Variants in CDKN2C observed in about 807,000 individuals in gnomAD.
The protein encoded by CDKN2C is cyclin-dependent kinase 4 inhibitor C.
CDKN2C carries 5 observed loss-of-function variants against 11.0 expected under a neutral mutation model. The ratio of observed to expected loss-of-function variants is 0.45; its 90% CI spans 0.24 to 0.95. The LOEUF (loss-of-function observed/expected upper bound fraction) is 0.95. Among genes scored for constraint, CDKN2C ranks in the 40% least tolerant of loss-of-function variants. The pLI is 0.21. For missense variants in CDKN2C, 161 were observed against 211.9 expected (o/e 0.76, Z 1.49); for synonymous variants, 79 against 88.3 (o/e 0.89, Z 0.59).
chr1:50,970,584 G>A, intron 1 of CDKN2C, 87 bp downstream of exon 1: 1 of 1,488,446 alleles, frequency 6.7e-7, no homozygotes, highest in Non-Finnish European at 9.4e-7. Context: ...TAAGCTTTCA[G>A]GGACATAAAA....
chr1:50,970,037 C>G (rs1419214801), upstream of CDKN2C: 3 of 447,542 alleles, frequency 6.7e-6, no homozygotes, highest in Non-Finnish European at 1.2e-5. Flanking sequence ...CTGCCTACAT[C>G]TGACGTCCGG....
chr1:50,963,822 T>G (rs895508968), intron 1 of CDKN2C, among the ~76,000 whole-genome samples: 3 of 152,174 alleles, frequency 2.0e-5, no homozygotes, highest in Admixed American at 1.3e-4. Context: ...GTAAAGAAAT[T>G]TGGTCCATGC....
intron 1 of CDKN2C, among the ~76,000 whole-genome samples, chr1:50,961,266 C>T (rs750988450): frequency 4.6e-5 from 7 of 152,182 alleles, no homozygotes; most frequent in Non-Finnish European, 8.8e-5. Flanking sequence ...TCTCGAACTC[C>T]TGTCCTCGTG....
At chr1:50,967,231 A>C (rs1341913209), upstream of CDKN2C, among the ~76,000 whole-genome samples, 1 of 152,212 alleles carries the variant, frequency 6.6e-6, no homozygotes, top group Non-Finnish European at 1.5e-5. Context: ...GAATAATCAA[A>C]AGTAAATTAT....
At chr1:50,970,625 ATATTT>A in intron 1 of CDKN2C, 128 bp downstream of exon 1, 1 of 1,074,136 alleles carries the variant, frequency 9.3e-7, no homozygotes, top group South Asian at 1.3e-5. Flanking sequence ...GTTGGTTGCC[ATATTT>A]TATATCTTTA....
chr1:50,966,085 C>G (rs949411591), upstream of CDKN2C, among the ~76,000 whole-genome samples: 9 of 149,420 alleles, frequency 6.0e-5, no homozygotes, highest in Non-Finnish European at 1.2e-4. Flanking sequence ...TATTCTATGT[C>G]TCTTTTTTTT....
chr1:50,965,831 G>T (rs552726520), upstream of CDKN2C, among the ~76,000 whole-genome samples: 23 of 152,042 alleles, frequency 1.5e-4, no homozygotes, highest in Non-Finnish European at 1.6e-4. Context: ...TCACATAAAA[G>T]GCTGCCTGGG....
chr1:50,970,310 G>GA lies in CDKN2C; in HGVS notation c.-56dup. The GA allele has an allele frequency of 1.9e-6, 3 of 1,607,248 alleles. No homozygotes were observed. Among genetic ancestry groups the GA allele is most frequent in the Non-Finnish European group, 2.5e-6 (3 of 1,177,898 alleles). ...TCATGCAGCCTGGTTAGGAGCAAAGGAAAGGGGAAAAAGAAAAACGACTAA... is the reference window on the plus strand; with the variant it reads ...TCATGCAGCCTGGTTAGGAGCAAAGGAAAAGGGGAAAAAGAAAAACGACTAA... On this transcript the variant is annotated 5_prime_UTR_variant, in exon 1 of 2. It removes the in-frame stop codon of an upstream open reading frame in the 5' UTR. Coordinates refer to ENST00000371761, the MANE Select transcript of CDKN2C (RefSeq NM_078626.3).
intron 1 of CDKN2C, among the ~76,000 whole-genome samples, chr1:50,965,226 G>C (rs1645342550): frequency 6.6e-6 from 1 of 151,984 alleles, no homozygotes; most frequent in African/African-American, 2.4e-5. Flanking sequence ...CAGGCCGGGT[G>C]CGGTGGCTCA....
At chr1:50,969,878 C>T, upstream of CDKN2C, 1 of 217,682 alleles carries the variant, frequency 4.6e-6, no homozygotes. This position sits in a 1 kb window ranked among gnomAD's most constrained non-coding sequence, Gnocchi z 6.6. Context: ...TCACACGGCT[C>T]AAGTCACCAC....
chr1:50,968,521 C>G (rs982716534), upstream of CDKN2C: 3 of 152,388 alleles, frequency 2.0e-5, no homozygotes, highest in Non-Finnish European at 4.4e-5. Flanking sequence ...GCCGCCTAGC[C>G]GGCAGGAGGG....
upstream of CDKN2C, chr1:50,969,996 C>A: frequency 2.6e-6 from 1 of 380,686 alleles, no homozygotes; most frequent in Non-Finnish European, 4.9e-6. The surrounding 1 kb of genome is among the most constrained non-coding windows in gnomAD (Gnocchi z 6.6). Flanking sequence ...ACACTCCTCA[C>A]AGAGATCTGT....
intron 1 of CDKN2C, among the ~76,000 whole-genome samples, chr1:50,962,717 C>G (rs891262473): frequency 3.3e-5 from 5 of 152,176 alleles, no homozygotes; most frequent in African/African-American, 1.2e-4. Flanking sequence ...GATGAACACA[C>G]TAGACATTCA....
chr1:50,963,308 T>C (rs1394077952), intron 1 of CDKN2C, among the ~76,000 whole-genome samples: 1 of 152,276 alleles, frequency 6.6e-6, no homozygotes, highest in Non-Finnish European at 1.5e-5. Context: ...TGTGTTTTTA[T>C]ATTCACCATA....
rs535590091 is a variant in CDKN2C at position 50,971,061 on chromosome 1, G to C, written c.129+564G>C. On this transcript the variant is annotated intron_variant, in intron 1 of 1. Coordinates refer to ENST00000371761, the MANE Select transcript of CDKN2C (RefSeq NM_078626.3). ...TAATGTAATACCATCCACTCATTCA[G>C]GAGTCGGGAGGAATAAAAAGTTGAA... is the stretch of plus-strand genomic sequence containing the variant. Among the ~76,000 whole-genome samples, 175 of 152,328 alleles carry C rather than the reference G, an allele frequency of 1.1e-3. 1 individual carries two copies. Among genetic ancestry groups the C allele is most frequent in the Non-Finnish European group, 2.0e-3 (138 of 68,034 alleles).
intron 1 of CDKN2C, 54 bp downstream of exon 1, chr1:50,970,551 C>T: frequency 6.2e-7 from 1 of 1,602,702 alleles, no homozygotes; most frequent in Non-Finnish European, 8.5e-7. Context: ...CTACGTGACC[C>T]GGGTTTCTAG....
upstream of CDKN2C, chr1:50,969,343 C>CG (rs111775483): frequency 4.6e-5 from 7 of 152,284 alleles, no homozygotes; most frequent in South Asian, 6.2e-4. The surrounding 1 kb of genome is among the most constrained non-coding windows in gnomAD (Gnocchi z 6.6). Context: ...GGGAAGTTCC[C>CG]GGGGGGGCTG....
At position 50,974,360 on chromosome 1, in the gene CDKN2C, T is replaced by C. The variant is rs1645396816; in HGVS notation, c.*90T>C. 7.4e-7 allele frequency: 1 copy of C among 1,342,690 alleles called. No homozygotes were observed. The highest frequency in any genetic ancestry group is 1.5e-5 in the African/African-American group (1 of 68,498). The allele number at this position is 1,342,690 out of a possible 1,614,324, so 83.2% of individuals were successfully genotyped here. On this transcript the variant is annotated 3_prime_UTR_variant, in exon 2 of 2. Coordinates refer to ENST00000371761, the MANE Select transcript of CDKN2C (RefSeq NM_078626.3). ...TTAATGTCATTTGTTAAAATACAGT[T>C]CTGTCATATGTTAAGCAGCTAAATT...
In CDKN2C at chr1:50,974,344, T is replaced by C; in HGVS notation, c.*74T>C. On this transcript the variant is annotated 3_prime_UTR_variant, in exon 2 of 2. Transcript: ENST00000371761. The stretch of plus-strand genomic sequence containing the variant: ...GTAGCTCTCCTGACTTTTAATGTCA[T>C]TTGTTAAAATACAGTTCTGTCATAT... 2.1e-6 allele frequency: 3 copies of C among 1,421,964 alleles called. No homozygotes were observed. The highest frequency in any genetic ancestry group is 1.9e-6 in the Non-Finnish European group (2 of 1,058,532). 88.1% of individuals were successfully genotyped at this position (1,421,964 alleles called of 1,614,324 possible).
Sources: gnomAD v4.1 joint callset for allele counts (sites outside exome capture counted in the v4.1 genomes callset) on GRCh38, gnomAD v4.1.1 for gene constraint, Gnocchi (gnomAD v3.1) non-coding constraint, MANE v1.5 for transcripts, NCBI Gene and HGNC (gene_info 2026-07-23, HGNC 2026-07-21) for gene names.